Variants in OTULIN observed in about 807,000 individuals in gnomAD.
The protein encoded by OTULIN is OTU deubiquitinase with linear linkage specificity.
In OTULIN, 15 loss-of-function variants were observed where a neutral mutation model predicts 39.6. The ratio of observed to expected loss-of-function variants is 0.38; its 90% CI spans 0.25 to 0.58. The LOEUF (loss-of-function observed/expected upper bound fraction) is 0.58. OTULIN is among the 20% of genes least tolerant of loss of function. The pLI is 0.66. For missense variants in OTULIN, 319 were observed against 445.9 expected, an observed-to-expected ratio of 0.72 and a Z score of 2.56; for synonymous variants, 156 against 170.3, an observed-to-expected ratio of 0.92 and a Z score of 0.65.
chr5:14,699,836 CT>C lies in OTULIN; in HGVS notation c.*6789del, dbSNP rs1736760665. The C allele has an allele frequency of 6.6e-6, 1 of 152,264 alleles. No individual in the cohort carries two copies. Among genetic ancestry groups the C allele is most frequent in the Admixed American group, 6.5e-5 (1 of 15,290 alleles). 9.4% of individuals were successfully genotyped at this position (152,264 alleles called of 1,614,324 possible). On this transcript the variant is annotated 3_prime_UTR_variant, in exon 7 of 7. Coordinates refer to ENST00000284274, the MANE Select transcript of OTULIN (RefSeq NM_138348.6). ...AATTTTCTGTCTCACCTCCTCACCC[CT>C]ACCCTTGCCTTTTGTCTGGGCTCGG...
chr5:14,674,762 A>G (rs546562095), intron 2 of OTULIN, among the ~76,000 whole-genome samples: 17 of 152,282 alleles, frequency 1.1e-4, no homozygotes, highest in African/African-American at 4.1e-4. Context: ...CAAAAAAAAA[A>G]TAAAAAATAA....
At chr5:14,678,908 G>T in intron 3 of OTULIN, 133 bp downstream of exon 3, 1 of 525,858 alleles carries the variant, frequency 1.9e-6, no homozygotes, top group Non-Finnish European at 3.3e-6. Context: ...TCTAATTTTA[G>T]AGTTAAGGAA....
chr5:14,681,625 G>A lies in OTULIN; in HGVS notation c.468+18G>A. 6.3e-7 allele frequency: 1 copy of A among 1,594,192 alleles called. No homozygotes were observed. The highest frequency in any genetic ancestry group is 8.5e-7 in the Non-Finnish European group (1 of 1,173,306). ...TCATGCTGGTACGCTGCTGCTGCAG[G>A]TTTGAGTCCAAAATGTTTCAAACAA... On this transcript the variant is annotated intron_variant, in intron 4 of 6. Transcript: ENST00000284274.
chr5:14,682,143 C>T (rs760417514), intron 4 of OTULIN, among the ~76,000 whole-genome samples: 5 of 152,232 alleles, frequency 3.3e-5, no homozygotes, highest in Non-Finnish European at 7.3e-5. Flanking sequence ...AAATGTACCA[C>T]ATGGCAGACA....
At chr5:14,691,560 C>T (rs568489563) in intron 6 of OTULIN, among the ~76,000 whole-genome samples, 7 of 150,976 alleles carry the variant, frequency 4.6e-5, no homozygotes, top group East Asian at 3.9e-4. Context: ...TAGTCTTTTC[C>T]GAGACCCTAT....
At chr5:14,672,046 C>T (rs758050216) in intron 1 of OTULIN, among the ~76,000 whole-genome samples, 13 of 152,134 alleles carry the variant, frequency 8.5e-5, no homozygotes, top group Non-Finnish European at 1.6e-4. Context: ...CAGTCTAATT[C>T]CTGGGTCCCC....
intron 2 of OTULIN, among the ~76,000 whole-genome samples, chr5:14,678,370 C>T (rs1235945342): frequency 6.6e-6 from 1 of 152,128 alleles, no homozygotes; most frequent in East Asian, 1.9e-4. Flanking sequence ...AGGCAGGAGC[C>T]CCTGGAGCTC....
In OTULIN at chr5:14,677,725, T is replaced by C. The variant is rs377663338; in HGVS notation, c.230-956T>C. ...GTGGATTAACAAACATGGAGAGTTC[T>C]GTTAGTTTCTGGTTTATTATCGACC... is the stretch of plus-strand genomic sequence containing the variant. On this transcript the variant is annotated intron_variant, in intron 2 of 6. Transcript: ENST00000284274. 2.0e-5 allele frequency among the ~76,000 whole-genome samples: 3 copies of C among 152,194 alleles called. No homozygotes were observed. In the South Asian group the frequency reaches 6.2e-4, roughly 31 times the overall value.
chr5:14,680,012 T>G (rs1413034538), intron 3 of OTULIN, among the ~76,000 whole-genome samples: 1 of 152,252 alleles, frequency 6.6e-6, no homozygotes, highest in Non-Finnish European at 1.5e-5. Context: ...TCCATTCTAT[T>G]TTAGTCCTTA....
chr5:14,673,132 G>T, intron 1 of OTULIN, among the ~76,000 whole-genome samples: 1 of 152,102 alleles, frequency 6.6e-6, no homozygotes, highest in East Asian at 1.9e-4. Context: ...TTTCGAGGAG[G>T]TTTTTTAGCT....
rs79498992 is a variant in OTULIN at position 14,697,589 on chromosome 5, C to A, written c.*4541C>A. The A allele has an allele frequency of 1.3e-5, 2 of 152,136 alleles. No individual in the cohort carries two copies. The highest frequency in any genetic ancestry group is 2.9e-5 in the Non-Finnish European group (2 of 68,038). The allele number at this position is 152,136 out of a possible 1,614,324, so 9.4% of individuals were successfully genotyped here. On this transcript the variant is annotated 3_prime_UTR_variant, in exon 7 of 7. Transcript: ENST00000284274. ...GAGTGGTTAAGTCTAGAAACACATA[C>A]ATTAATTGTATTGAAATGTTATATC...
At chr5:14,684,771 A>G (rs1036953499) in intron 4 of OTULIN, among the ~76,000 whole-genome samples, 3 of 152,352 alleles carry the variant, frequency 2.0e-5, no homozygotes, top group Admixed American at 1.3e-4. Flanking sequence ...GGGAGCTGGG[A>G]AAGCTAGACT....
chr5:14,711,089 CAAAACAAAACAAAA>C, the OTULIN span: 1 of 1,033,466 alleles, frequency 9.7e-7, no homozygotes, highest in Non-Finnish European at 1.5e-6. Flanking sequence ...CTTTCATTAC[CAAAACAAAACAAAA>C]AAAAGGGAAC....
At chr5:14,682,804 G>A (rs1429546606) in intron 4 of OTULIN, among the ~76,000 whole-genome samples, 1 of 152,116 alleles carries the variant, frequency 6.6e-6, no homozygotes, top group Admixed American at 6.6e-5. Context: ...TAAGAATTAG[G>A]CAGTGACAGC....
At chr5:14,700,766 G>A (rs1736780746), downstream of OTULIN, among the ~76,000 whole-genome samples, 1 of 151,698 alleles carries the variant, frequency 6.6e-6, no homozygotes, top group African/African-American at 2.4e-5. Context: ...GAATCACAAA[G>A]TAACTATTTT....
intron 1 of OTULIN, among the ~76,000 whole-genome samples, chr5:14,672,370 A>C (rs764742986): frequency 1.3e-5 from 2 of 152,124 alleles, no homozygotes; most frequent in Non-Finnish European, 2.9e-5. Flanking sequence ...TGGCCCTCCC[A>C]GTACCCCTTC....
chr5:14,679,685 A>G (rs1358613504), intron 3 of OTULIN, among the ~76,000 whole-genome samples: 2 of 152,242 alleles, frequency 1.3e-5, no homozygotes, highest in Non-Finnish European at 2.9e-5. Context: ...ATTTTTATAG[A>G]AAATGATTGC....
At chr5:14,666,377 G>C (rs1398452977) in intron 1 of OTULIN, among the ~76,000 whole-genome samples, 1 of 152,062 alleles carries the variant, frequency 6.6e-6, no homozygotes, top group Non-Finnish European at 1.5e-5. Flanking sequence ...GCTGCTAGTA[G>C]AACTATATAG....
At position 14,664,902 on chromosome 5, in the gene OTULIN, C is replaced by T. The variant is rs1489684743; in HGVS notation, c.77C>T (p.Ala26Val). ...GCCGAGACGCCGGCGCGGGAGGCGG[C>T]GGCCACGGCGCGGGACGGCGGGAAG... ...SCAETPAREA[A>V]ATARDGGKAA... Residue 26 changes from alanine to valine, a missense_variant, in exon 1 of 7, where the codon GCG becomes GTG. Physicochemically the swap from Ala to Val is moderately conservative, Grantham distance 64. Around this residue, in one of 4 missense-constraint regions of OTULIN, gnomAD observed 132 missense variants for 143.7 expected, o/e 0.92. Coordinates refer to ENST00000284274, the MANE Select transcript of OTULIN (RefSeq NM_138348.6). 7 of 1,165,436 alleles carry T rather than the reference C, an allele frequency of 6.0e-6. No individual in the cohort carries two copies. The highest frequency in any genetic ancestry group is 5.9e-5 in the African/African-American group (3 of 50,576). The allele number at this position is 1,165,436 out of a possible 1,614,324, so 72.2% of individuals were successfully genotyped here. A position where few individuals can be genotyped will look rare whatever the true frequency, so the allele number is the denominator to read the frequency against.
Sources: allele counts gnomAD v4.1 joint callset (sites outside exome capture counted in the v4.1 genomes callset), GRCh38; gene constraint gnomAD v4.1.1; regional missense constraint gnomAD v4.1.1; transcripts MANE v1.5; gene names NCBI Gene and HGNC (gene_info 2026-07-23, HGNC 2026-07-21).